The following NXN variants were observed in gnomAD, a reference collection of about 807,000 sequenced individuals.
The protein encoded by NXN is nucleoredoxin, also known as nucleoredoxin 1.
A neutral mutation model predicts 48.6 loss-of-function variants in NXN; 16 were observed. The ratio of observed to expected loss-of-function variants is 0.33; its 90% CI spans 0.22 to 0.50. The LOEUF (loss-of-function observed/expected upper bound fraction) is 0.50, where lower values mean the gene tolerates loss of function less well. NXN is among the 20% of genes least tolerant of loss of function. The probability of loss-of-function intolerance (pLI) is 0.98; values close to 1 mark genes in which losing one functional copy is unlikely to be tolerated. For missense variants in NXN, 492 were observed against 605.5 expected (o/e 0.81, Z 1.97); for synonymous variants, 281 against 269.6 (o/e 1.04, Z -0.41).
intron 1 of NXN, chr17:897,032 T>A: frequency 9.2e-7 from 1 of 1,090,232 alleles, no homozygotes; most frequent in Non-Finnish European, 1.1e-6. Flanking sequence ...CCGGCGTGCC[T>A]AACAACAGCG....
chr17:873,326 A>G (rs1597682610), intron 1 of NXN, among the ~76,000 whole-genome samples: 1 of 151,866 alleles, frequency 6.6e-6, no homozygotes, highest in Non-Finnish European at 1.5e-5. Context: ...ATGAAACCCC[A>G]TCTCTACTAT....
chr17:937,503 G>A (rs1473130744), intron 1 of NXN, among the ~76,000 whole-genome samples: 1 of 152,146 alleles, frequency 6.6e-6, no homozygotes, highest in Non-Finnish European at 1.5e-5. Context: ...AGGGACAAAA[G>A]GAGGGAAAAG....
In NXN at chr17:819,479, C is replaced by T. The variant is rs1205646351; in HGVS notation, c.780G>A (p.Glu260=). The part of the protein sequence containing the change: ...MPWLAVPYTD[E]ARRSRLNRLY... ...GCCGGTTGAGGCGCGACCGCCGGGC[C>T]TCATCCGTGTAGGGGACGGCGAGCC... Residue 260 remains glutamate (E), a synonymous_variant, in exon 5 of 8, where the codon GAG becomes GAA. Transcript: ENST00000336868. The T allele has an allele frequency of 6.2e-7, 1 of 1,614,142 alleles. No homozygotes were observed. The highest frequency in any genetic ancestry group is 8.5e-7 in the Non-Finnish European group (1 of 1,180,018).
intron 1 of NXN, among the ~76,000 whole-genome samples, chr17:909,076 G>C (rs2068607594): frequency 7.0e-6 from 1 of 142,152 alleles, no homozygotes. Context: ...TCCAGCCTGG[G>C]CGACAGAGTG....
At chr17:887,860 C>A (rs2068365774) in intron 1 of NXN, among the ~76,000 whole-genome samples, 1 of 152,188 alleles carries the variant, frequency 6.6e-6, no homozygotes, top group African/African-American at 2.4e-5. Context: ...AACAGAGAGG[C>A]AAGGACGTGG....
chr17:843,509 G>A (rs1255074461), intron 1 of NXN, among the ~76,000 whole-genome samples: 1 of 152,244 alleles, frequency 6.6e-6, no homozygotes, highest in Non-Finnish European at 1.5e-5. Context: ...CCACTGGGCA[G>A]AGTGGTTTGG....
intron 5 of NXN, among the ~76,000 whole-genome samples, chr17:807,143 G>T (rs1911599458): frequency 6.6e-6 from 1 of 152,168 alleles, no homozygotes; most frequent in Non-Finnish European, 1.5e-5. Flanking sequence ...TCGGGGGCTG[G>T]TCTCGAGGCT....
chr17:828,948 C>T (rs1040631859), intron 1 of NXN, among the ~76,000 whole-genome samples: 16 of 152,018 alleles, frequency 1.1e-4, no homozygotes, highest in African/African-American at 3.4e-4. Context: ...AGTCGGGAAA[C>T]AGCAAAACCA....
chr17:945,121 G>A (rs184794187), intron 1 of NXN, among the ~76,000 whole-genome samples: 4,500 of 152,110 alleles, frequency 0.03, 103 homozygotes, highest in Non-Finnish European at 0.045. Context: ...TCGCTCTGTG[G>A]CCCAGGCTGG....
At chr17:851,403 A>AGAGGGGCT (rs1025480099) in intron 1 of NXN, among the ~76,000 whole-genome samples, 2 of 152,246 alleles carry the variant, frequency 1.3e-5, no homozygotes, top group African/African-American at 4.8e-5. Context: ...GACGGGAAGC[A>AGAGGGGCT]GAGGGGCTGA....
intron 1 of NXN, among the ~76,000 whole-genome samples, chr17:872,234 G>A (rs1200304991): frequency 6.6e-6 from 1 of 150,532 alleles, no homozygotes; most frequent in African/African-American, 2.4e-5. Context: ...GAGAGAGAGA[G>A]AGACGGAGGG....
At chr17:930,777 T>TTG (rs2068845046) in intron 1 of NXN, among the ~76,000 whole-genome samples, 1 of 148,356 alleles carries the variant, frequency 6.7e-6, no homozygotes, top group Non-Finnish European at 1.5e-5. Flanking sequence ...GAGTTTGCTT[T>TTG]TTTTTTTTTT....
intron 1 of NXN, among the ~76,000 whole-genome samples, chr17:886,636 GGCGTGGTGGCACACAGCTGTAGTCCCA>G (rs1044327452): frequency 1.3e-5 from 2 of 152,050 alleles, no homozygotes; most frequent in Non-Finnish European, 2.9e-5. Flanking sequence ...AAATTAGCCG[GGCGTGGTGGCACACAGCTGTAGTCCCA>G]GCTACTCAGG....
At chr17:910,816 G>A (rs965456797) in intron 1 of NXN, 1 of 152,166 alleles carries the variant, frequency 6.6e-6, no homozygotes, top group African/African-American at 2.4e-5. Context: ...AAGCACACCT[G>A]GGCAGCAGAA....
At chr17:823,525 G>C in intron 3 of NXN, 107 bp downstream of exon 3, 1 of 1,339,342 alleles carries the variant, frequency 7.5e-7, no homozygotes, top group Non-Finnish European at 1.0e-6. Flanking sequence ...CAGAAGGCCG[G>C]GAAATTCCTG....
intron 1 of NXN, among the ~76,000 whole-genome samples, chr17:955,590 C>T (rs1318715949): frequency 2.8e-5 from 4 of 144,792 alleles, no homozygotes; most frequent in South Asian, 2.2e-4. Flanking sequence ...CGGTGGCTCA[C>T]GCCTGTAATC....
chr17:971,235 C>T (rs1036651793), intron 1 of NXN, among the ~76,000 whole-genome samples: 6 of 151,862 alleles, frequency 4.0e-5, no homozygotes, highest in Non-Finnish European at 7.4e-5. Flanking sequence ...CGTGAGCCAC[C>T]GCGCGTGGCC....
intron 1 of NXN, among the ~76,000 whole-genome samples, chr17:921,651 A>G (rs2068751497): frequency 6.6e-6 from 1 of 151,968 alleles, no homozygotes; most frequent in Admixed American, 6.6e-5. Flanking sequence ...GCCCCTGGAC[A>G]ACACCTGGCA....
intron 1 of NXN, among the ~76,000 whole-genome samples, chr17:875,978 T>G (rs911531917): frequency 5.3e-5 from 8 of 151,870 alleles, no homozygotes; most frequent in African/African-American, 1.9e-4. Context: ...GGTCAGGAGA[T>G]CAAGACCATC....
Sources: gnomAD v4.1 joint callset for allele counts (sites outside exome capture counted in the v4.1 genomes callset) on GRCh38, gnomAD v4.1.1 for gene constraint, MANE v1.5 for transcripts, NCBI Gene and HGNC (gene_info 2026-07-23, HGNC 2026-07-21) for gene names.